ODC1: variants seen among roughly 807,000 people sequenced by gnomAD.
ODC1 encodes the protein ornithine decarboxylase 1.
A neutral mutation model predicts 41.5 loss-of-function variants in ODC1; 18 were observed. That is an observed-to-expected ratio of 0.43 (90% CI 0.30 to 0.64). The LOEUF (loss-of-function observed/expected upper bound fraction) is 0.64, where lower values mean the gene tolerates loss of function less well. Among genes scored for constraint, ODC1 ranks in the 30% least tolerant of loss-of-function variants. ODC1 has a pLI of 0.11. For missense variants in ODC1, 504 were observed against 589.0 expected, an observed-to-expected ratio of 0.86 and a Z score of 1.49; for synonymous variants, 218 against 211.6, an observed-to-expected ratio of 1.03 and a Z score of -0.26.
At position 10,442,126 on chromosome 2, in the gene ODC1, A is replaced by G; in HGVS notation, c.799T>C (p.Ser267Pro). ...PALDKYFPSD[S>P]GVRIIAEPGR... ...GGCTCAGCTATGATTCTCACTCCAG[A>G]GTCTGACGGAAAGTATTTGTCCAAC... Residue 267 changes from serine to proline, a missense_variant, in exon 9 of 12, where the codon TCT becomes CCT. This residue lies in a region of ODC1 where 447 missense variants were observed against 524.4 expected (regional missense o/e 0.85). Transcript: ENST00000234111. The G allele has an allele frequency of 6.2e-7, 1 of 1,613,928 alleles. No individual in the cohort carries two copies.
chr2:10,441,484 C>A (rs2148066780), intron 11 of ODC1, 25 bp downstream of exon 11: 1 of 1,608,230 alleles, frequency 6.2e-7, no homozygotes, highest in Non-Finnish European at 8.5e-7. Flanking sequence ...CTTGGCAGCA[C>A]CATCAACATG....
chr2:10,444,888 G>C, intron 3 of ODC1, 43 bp downstream of exon 3: 1 of 1,405,770 alleles, frequency 7.1e-7, no homozygotes, highest in African/African-American at 1.4e-5. Context: ...CCACTTGCCT[G>C]GCACTCTCAG....
At chr2:10,447,276 T>C (rs1672054740) in intron 1 of ODC1, among the ~76,000 whole-genome samples, 2 of 152,236 alleles carry the variant, frequency 1.3e-5, no homozygotes, top group African/African-American at 4.8e-5. Context: ...AGGATAATGT[T>C]AGAAGAGATA....
chr2:10,440,867 G>T lies in ODC1; in HGVS notation c.1243C>A (p.Gln415Lys). 5.0e-6 allele frequency: 8 copies of T among 1,613,960 alleles called. No homozygotes were observed. The highest frequency in any genetic ancestry group is 6.8e-6 in the Non-Finnish European group (8 of 1,179,970). Reference protein sequence around the residue: ...IYYVMSGPAWQLMQQFQNPDF... With the variant: ...IYYVMSGPAWKLMQQFQNPDF... ...GGGTTCTGGAATTGCTGCATGAGTT[G>T]CCTGAGAAAGAAAAAGTGGCATATT... The change falls in exon 12 of 12, where the codon CAA becomes AAA. Residue 415 changes from glutamine to lysine, a missense_variant and splice_region_variant. Gln to Lys is a moderately conservative substitution (Grantham distance 53). Around this residue, in one of 3 missense-constraint regions of ODC1, gnomAD observed 447 missense variants for 524.4 expected, o/e 0.85. Transcript: ENST00000234111.
intron 4 of ODC1, 43 bp downstream of exon 4, chr2:10,444,431 C>A: frequency 1.9e-6 from 3 of 1,558,548 alleles, no homozygotes; most frequent in South Asian, 1.2e-5. Context: ...GAATACCAGG[C>A]CCATTTTATA....
chr2:10,440,894 A>C, intron 11 of ODC1, 26 bp from the exon 12 acceptor site: 1 of 1,613,564 alleles, frequency 6.2e-7, no homozygotes, highest in Non-Finnish European at 8.5e-7. Context: ...TGGCATATTA[A>C]AAACCCTGAC....
At chr2:10,447,490 C>T (rs935721463) in intron 1 of ODC1, 1 of 152,268 alleles carries the variant, frequency 6.6e-6, no homozygotes, top group Non-Finnish European at 1.5e-5. Context: ...GCTGTCTCCC[C>T]TGTGTATGTC....
In ODC1 at chr2:10,444,498, C is replaced by A. The variant is rs780438651; in HGVS notation, c.252G>T (p.Gly84=). The change falls in exon 4 of 12, where the codon GGG becomes GGT. Residue 84 remains glycine, a synonymous_variant. Coordinates refer to ENST00000234111, the MANE Select transcript of ODC1 (RefSeq NM_002539.3). The part of the protein sequence containing the change: ...KAIVKTLAAT[G]TGFDCASKTE... ...CCTTGCTAGCACAGTCAAATCCTGT[C>A]CCGGTAGCAGCAAGGGTCTTCACGA... 3 of 1,612,972 alleles carry A rather than the reference C, an allele frequency of 1.9e-6. No homozygotes were observed. The highest frequency in any genetic ancestry group is 2.5e-6 in the Non-Finnish European group (3 of 1,179,662).
In ODC1 at chr2:10,444,641, TATC is replaced by T. The variant is rs1185923058; in HGVS notation, c.106_108del (p.Asp36del). The T allele has an allele frequency of 6.2e-7, 1 of 1,612,002 alleles. No individual in the cohort carries two copies. Among genetic ancestry groups the T allele is most frequent in the Non-Finnish European group, 8.5e-7 (1 of 1,178,864 alleles). ...AGGTCTGCCACATAGAAGGCATCCT[TATC>T]ATCCTGAAACAAGAGTGGTCACAGG... On this transcript the variant is annotated inframe_deletion, in exon 4 of 12. Coordinates refer to ENST00000234111, the MANE Select transcript of ODC1 (RefSeq NM_002539.3).
intron 5 of ODC1, 83 bp downstream of exon 5, chr2:10,444,012 A>T (rs1671929217): frequency 5.4e-6 from 8 of 1,488,562 alleles, no homozygotes; most frequent in Middle Eastern, 1.8e-4. Flanking sequence ...TAGAAATATA[A>T]TAATCAGAAA....
At chr2:10,443,929 G>C in intron 5 of ODC1, 93 bp from the exon 6 acceptor site, 1 of 1,547,844 alleles carries the variant, frequency 6.5e-7, no homozygotes, top group East Asian at 2.3e-5. Flanking sequence ...AAATACTGTC[G>C]CTGATATATT....
rs766615688 is a variant in ODC1 at position 10,441,737 on chromosome 2, C to A, written c.1027-14G>T. The A allele has an allele frequency of 5.1e-5, 83 of 1,613,374 alleles. No individual in the cohort carries two copies. The highest frequency in any genetic ancestry group is 6.8e-5 in the Non-Finnish European group (80 of 1,179,452). On this transcript the variant is annotated splice_polypyrimidine_tract_variant and intron_variant, in intron 10 of 11. Coordinates refer to ENST00000234111, the MANE Select transcript of ODC1 (RefSeq NM_002539.3). ...TGGTTTAGGTCTCTATATAAAGAGA[C>A]GGAGAGAGGAAGTACTACTTAATTA...
rs781120730 is a variant in ODC1 at position 10,443,555 on chromosome 2, C to A, written c.601G>T (p.Gly201Cys). The A allele has an allele frequency of 6.2e-7, 1 of 1,613,710 alleles. No individual in the cohort carries two copies. The highest frequency in any genetic ancestry group is 8.5e-7 in the Non-Finnish European group (1 of 1,179,754). The change falls in exon 7 of 12, where the codon GGC becomes TGC. Residue 201 changes from glycine to cysteine, a missense_variant. Physicochemically the swap from Gly to Cys is radical, Grantham distance 159 (BLOSUM62 -3). This residue lies in a region of ODC1 where 447 missense variants were observed against 524.4 expected (regional missense o/e 0.85). Coordinates refer to ENST00000234111, the MANE Select transcript of ODC1 (RefSeq NM_002539.3). The stretch of plus-strand genomic sequence containing the variant: ...ACGAAGGTCTCAGGATCGGTACAGC[C>A]GCTTCCTACATGGAAGCTGGGGTAA... ...VVGVSFHVGS[G>C]CTDPETFVQA... is the part of the protein sequence containing the mutation.
Position 10,444,468 on chromosome 2 carries a change from G to A in ODC1, c.276+6C>T, listed in dbSNP as rs548996437. The stretch of plus-strand genomic sequence containing the variant: ...AACGCTTTTGAGGCCTGCTGCTATC[G>A]CTTACCTTGCTAGCACAGTCAAATC... On this transcript the variant is annotated splice_donor_region_variant and intron_variant, in intron 4 of 11. Coordinates refer to ENST00000234111, the MANE Select transcript of ODC1 (RefSeq NM_002539.3). 14 of 1,603,220 alleles carry A rather than the reference G, an allele frequency of 8.7e-6. No homozygotes were observed. The highest frequency in any genetic ancestry group is 2.2e-5 in the East Asian group (1 of 44,716).
chr2:10,441,719 G>C lies in ODC1; in HGVS notation c.1031C>G (p.Pro344Arg). Residue 344 changes from proline to arginine, a missense_variant, in exon 11 of 12, where the codon CCT (proline) becomes CGT (arginine). Coordinates refer to ENST00000234111, the MANE Select transcript of ODC1 (RefSeq NM_002539.3). ...AHVKPLLQKRPKPDEKYYSSS... is the reference protein window; with the variant it reads ...AHVKPLLQKRRKPDEKYYSSS... ...TGAATAATACTTCTCATCTGGTTTA[G>C]GTCTCTATATAAAGAGACGGAGAGA... 6.2e-7 allele frequency: 1 copy of C among 1,614,052 alleles called. No individual in the cohort carries two copies. Among genetic ancestry groups the C allele is most frequent in the South Asian group, 1.1e-5 (1 of 91,078 alleles).
At chr2:10,446,742 G>C (rs1672026501) in intron 1 of ODC1, 1 of 472,350 alleles carries the variant, frequency 2.1e-6, no homozygotes, top group Admixed American at 2.4e-5. Context: ...AGTGCCAGCA[G>C]CCTACGGGCA....
At position 10,440,599 on chromosome 2, in the gene ODC1, T is replaced by C. The variant is rs996126975; in HGVS notation, c.*125A>G. The C allele has an allele frequency of 4.5e-6, 4 of 881,092 alleles. No individual in the cohort carries two copies. The highest frequency in any genetic ancestry group is 2.6e-5 in the East Asian group (1 of 39,182). 54.6% of individuals were successfully genotyped at this position (881,092 alleles called of 1,614,324 possible). On this transcript the variant is annotated 3_prime_UTR_variant, in exon 12 of 12. Transcript: ENST00000234111. ...GTGACCCATATCCTAGTCTTCCATATGGCTGCATCATGGCGACCCTACTCT... is the reference window on the plus strand; with the variant it reads ...GTGACCCATATCCTAGTCTTCCATACGGCTGCATCATGGCGACCCTACTCT...
intron 8 of ODC1, 133 bp from the exon 9 acceptor site, chr2:10,442,307 C>A: frequency 2.2e-6 from 2 of 920,018 alleles, no homozygotes; most frequent in Non-Finnish European, 3.2e-6. Context: ...ATTAAAGTAA[C>A]AAAAGCAAAA....
intron 5 of ODC1, 117 bp from the exon 6 acceptor site, chr2:10,443,953 C>A: frequency 1.3e-6 from 2 of 1,493,206 alleles, no homozygotes; most frequent in South Asian, 2.6e-5. Flanking sequence ...TAGTTTGAGT[C>A]CCAGGCTTCA....
Sources: allele counts gnomAD v4.1 joint callset (sites outside exome capture counted in the v4.1 genomes callset), GRCh38; gene constraint gnomAD v4.1.1; regional missense constraint gnomAD v4.1.1; transcripts MANE v1.5; gene names NCBI Gene and HGNC (gene_info 2026-07-23, HGNC 2026-07-21).